Variants in NXPE2 observed in about 807,000 individuals in gnomAD.
The protein encoded by NXPE2 is NXPE family member 2.
A neutral mutation model predicts 34.4 loss-of-function variants in NXPE2; 34 were observed. The ratio of observed to expected loss-of-function variants is 0.99; its 90% CI spans 0.75 to 1.31. NXPE2 has a LOEUF of 1.31. Among genes scored for constraint, NXPE2 ranks in the 40% most tolerant of loss-of-function variants. The pLI, the probability that NXPE2 is intolerant of heterozygous loss-of-function variation, is 0.00. For synonymous variants in NXPE2, 235 were observed against 231.3 expected, an observed-to-expected ratio of 1.02 and a Z score of -0.15; for missense variants, 649 against 672.5, an observed-to-expected ratio of 0.97 and a Z score of 0.39.
the NXPE2 span, among the ~76,000 whole-genome samples, chr11:114,757,328 C>A: frequency 6.6e-6 from 1 of 151,302 alleles, no homozygotes; most frequent in Non-Finnish European, 1.5e-5. Flanking sequence ...TTACCACTTT[C>A]TCCACCGAGA....
At chr11:114,567,812 C>T in the NXPE2 span, among the ~76,000 whole-genome samples, 1 of 151,748 alleles carries the variant, frequency 6.6e-6, no homozygotes, top group African/African-American at 2.4e-5. Context: ...ATATGCTTGC[C>T]TCTTGTTAAT....
chr11:114,712,793 T>A, the NXPE2 span, among the ~76,000 whole-genome samples: 4 of 152,208 alleles, frequency 2.6e-5, no homozygotes, highest in African/African-American at 9.6e-5. Context: ...GCAAAGTGAA[T>A]TATTTCCAAA....
chr11:114,706,566 C>T lies in NXPE2; in HGVS notation c.1316C>T (p.Ala439Val), dbSNP rs1272591318. 3 of 1,551,722 alleles carry T rather than the reference C, an allele frequency of 1.9e-6. No homozygotes were observed. Among genetic ancestry groups the T allele is most frequent in the Non-Finnish European group, 2.6e-6 (3 of 1,147,008 alleles). The change falls in exon 6 of 6, where the codon GCA becomes GTA. Residue 439 changes from alanine to valine, a missense_variant. Physicochemically the swap from Ala to Val is moderately conservative, Grantham distance 64 (BLOSUM62 0). Transcript: ENST00000389586. ...NYIPREIDQV[A>V]GDKNTAIVIT... ...ATCCCACGGGAAATTGACCAGGTAG[C>T]AGGAGACAAAAACACAGCCATTGTC...
the NXPE2 span, among the ~76,000 whole-genome samples, chr11:114,616,803 A>G: frequency 6.6e-6 from 1 of 151,778 alleles, no homozygotes; most frequent in African/African-American, 2.4e-5. Flanking sequence ...CACAGTGGAT[A>G]ATAAGTGTTG....
chr11:114,578,596 A>G, the NXPE2 span, among the ~76,000 whole-genome samples: 5 of 152,228 alleles, frequency 3.3e-5, no homozygotes, highest in Admixed American at 6.5e-5. Context: ...TCCCACTTTC[A>G]TTGGATCAAC....
At chr11:114,503,041 C>T in the NXPE2 span, among the ~76,000 whole-genome samples, 373 of 151,680 alleles carry the variant, frequency 2.5e-3, 1 homozygote, top group African/African-American at 8.5e-3. Flanking sequence ...AAAGATCACA[C>T]ATAGGATTTT....
chr11:114,756,301 C>T, the NXPE2 span, among the ~76,000 whole-genome samples: 1 of 152,086 alleles, frequency 6.6e-6, no homozygotes, highest in Non-Finnish European at 1.5e-5. Flanking sequence ...CCAGCCTTGC[C>T]ATTGATTAGC....
At chr11:114,807,979 T>A in the NXPE2 span, among the ~76,000 whole-genome samples, 1 of 152,124 alleles carries the variant, frequency 6.6e-6, no homozygotes, top group Non-Finnish European at 1.5e-5. Flanking sequence ...AGAACAGAAA[T>A]TATAACAAAC....
At chr11:114,621,420 T>C in the NXPE2 span, among the ~76,000 whole-genome samples, 1 of 152,154 alleles carries the variant, frequency 6.6e-6, no homozygotes, top group Non-Finnish European at 1.5e-5. Flanking sequence ...CTGTGGATAA[T>C]AAGTATTGCC....
chr11:114,581,629 G>A, the NXPE2 span: 2 of 974,622 alleles, frequency 2.1e-6, no homozygotes, highest in Non-Finnish European at 3.2e-6. Flanking sequence ...ACAGAGTGCT[G>A]ATAGGACTGA....
chr11:114,582,703 T>C, the NXPE2 span: 1 of 1,614,084 alleles, frequency 6.2e-7, no homozygotes, highest in Admixed American at 1.7e-5. Flanking sequence ...ATCCTGGCCC[T>C]CAGGAAATCC....
the NXPE2 span, among the ~76,000 whole-genome samples, chr11:114,650,521 C>A: frequency 6.6e-6 from 1 of 152,102 alleles, no homozygotes; most frequent in African/African-American, 2.4e-5. Context: ...TAAGCAACAG[C>A]CTTACATCAA....
the NXPE2 span, among the ~76,000 whole-genome samples, chr11:114,618,528 G>A: frequency 5.9e-5 from 9 of 152,036 alleles, no homozygotes; most frequent in East Asian, 9.8e-4. Context: ...TGGATAATAA[G>A]TATTGCCTCT....
At chr11:114,614,448 C>A in the NXPE2 span, among the ~76,000 whole-genome samples, 1 of 151,852 alleles carries the variant, frequency 6.6e-6, no homozygotes, top group Non-Finnish European at 1.5e-5. Flanking sequence ...CGTGGGTAAC[C>A]ACTGTTACCC....
At chr11:114,790,575 G>A in the NXPE2 span, among the ~76,000 whole-genome samples, 1 of 152,100 alleles carries the variant, frequency 6.6e-6, no homozygotes. Context: ...AGAATGTCTG[G>A]AATTTGACAT....
chr11:114,514,762 AGT>A, the NXPE2 span, among the ~76,000 whole-genome samples: 1 of 152,124 alleles, frequency 6.6e-6, no homozygotes, highest in African/African-American at 2.4e-5. Context: ...TTTATTCAGC[AGT>A]GTTTATTGAC....
At chr11:114,699,091 T>C (rs1425849938) in intron 3 of NXPE2, among the ~76,000 whole-genome samples, 1 of 152,204 alleles carries the variant, frequency 6.6e-6, no homozygotes, top group Non-Finnish European at 1.5e-5. Flanking sequence ...CAGGGAATAC[T>C]AATCCTATAG....
At chr11:114,772,928 T>C in the NXPE2 span, among the ~76,000 whole-genome samples, 1 of 152,206 alleles carries the variant, frequency 6.6e-6, no homozygotes, top group African/African-American at 2.4e-5. Context: ...CCTTTTCTCC[T>C]GGCATTCCAG....
Position 114,704,040 on chromosome 11 carries a change from AT to A in NXPE2, c.917del (p.Ile306AsnfsTer9). 1 of 1,551,366 alleles carries A rather than the reference AT, an allele frequency of 6.4e-7. No individual in the cohort carries two copies. The highest frequency in any genetic ancestry group is 2.0e-5 in the Admixed American group (1 of 51,000). On this transcript the variant is annotated frameshift_variant, in exon 4 of 6. Transcript: ENST00000389586. LOFTEE classifies it high-confidence loss of function. ...GAAGAACTTTACCCCCATTGAGGTC[AT>A]ACCATGCAACAGTAAGTCTGGAGTG... ...MMKNFTPIEV[I>X]PCNKSENIKK... is the part of the protein sequence containing the mutation.
Sources: allele counts gnomAD v4.1 joint callset (sites outside exome capture counted in the v4.1 genomes callset), GRCh38; gene constraint gnomAD v4.1.1; transcripts MANE v1.5; gene names NCBI Gene and HGNC (gene_info 2026-07-23, HGNC 2026-07-21).